The following KAZN variants were observed in gnomAD, a reference collection of about 807,000 sequenced individuals.
KAZN encodes kazrin, periplakin interacting protein.
Under a neutral mutation model 87.4 loss-of-function variants are expected in KAZN, and 40 were observed. The observed-to-expected ratio is 0.46, with a 90% CI of 0.36 to 0.60. The LOEUF (loss-of-function observed/expected upper bound fraction) is 0.60, where lower values mean the gene tolerates loss of function less well. Ranked by LOEUF, KAZN falls within the 20% of genes least tolerant of loss-of-function variation. KAZN has a pLI of 0.00. For missense variants in KAZN, 898 were observed against 1,073.9 expected (o/e 0.84, Z 2.29); for synonymous variants, 466 against 458.3 (o/e 1.02, Z -0.22).
chr1:14,606,397 C>T (rs1677360881), intron 1 of KAZN, among the ~76,000 whole-genome samples: 1 of 152,164 alleles, frequency 6.6e-6, no homozygotes, highest in Admixed American at 6.5e-5. Flanking sequence ...CAACCAGCCT[C>T]TCAGCCATCA....
At chr1:14,548,099 C>T (rs1004744223) in intron 2 of KAZN, among the ~76,000 whole-genome samples, 4 of 150,874 alleles carry the variant, frequency 2.7e-5, no homozygotes, top group South Asian at 2.1e-4. Context: ...AGAAAGTTTA[C>T]GAAATTGTAT....
At chr1:14,376,939 T>C (rs886882913) in intron 2 of KAZN, among the ~76,000 whole-genome samples, 15 of 152,242 alleles carry the variant, frequency 9.9e-5, no homozygotes, top group Non-Finnish European at 8.8e-5. Context: ...TTCTATAATG[T>C]ATTAGTTGCT....
chr1:14,165,972 C>T (rs1028196713), intron 1 of KAZN, among the ~76,000 whole-genome samples: 1 of 152,042 alleles, frequency 6.6e-6, no homozygotes, highest in African/African-American at 2.4e-5. Flanking sequence ...TACAAAGAGC[C>T]GGCAGCAGTA....
chr1:14,980,199 A>G (rs1461603271), intron 2 of KAZN, among the ~76,000 whole-genome samples: 7 of 152,140 alleles, frequency 4.6e-5, no homozygotes, highest in Admixed American at 2.6e-4. Flanking sequence ...ATAAGTACCT[A>G]TTTATTAAAG....
At chr1:14,761,258 A>G (rs958035440) in intron 1 of KAZN, among the ~76,000 whole-genome samples, 1 of 152,152 alleles carries the variant, frequency 6.6e-6, no homozygotes, top group African/African-American at 2.4e-5. Context: ...GCTCCTGCTC[A>G]TCACTCAAGT....
chr1:14,929,087 G>T (rs1042713605), intron 1 of KAZN, among the ~76,000 whole-genome samples: 13 of 152,194 alleles, frequency 8.5e-5, no homozygotes, highest in African/African-American at 3.1e-4. Flanking sequence ...AATGGAAATT[G>T]TATTACCCAC....
intron 4 of KAZN, among the ~76,000 whole-genome samples, chr1:15,048,692 G>A (rs1462757294): frequency 1.4e-5 from 2 of 145,790 alleles, no homozygotes; most frequent in Non-Finnish European, 3.0e-5. Context: ...TTGGTCCTGG[G>A]TCGTTGATCC....
intron 1 of KAZN, among the ~76,000 whole-genome samples, chr1:14,076,278 C>T (rs1643456764): frequency 6.6e-6 from 1 of 150,764 alleles, no homozygotes; most frequent in Admixed American, 6.6e-5. Context: ...GAGACTCCGT[C>T]TAAAAAAAAA....
In KAZN at chr1:14,162,140, C is replaced by T. The variant is rs558159115; in HGVS notation, c.92-18295C>T. ...CCCTTTGAGCTCTTGGTTACACCCT[C>T]TCAGTCACTGTTCCTTTTATATAAA... is the stretch of plus-strand genomic sequence containing the variant. On this transcript the variant is annotated intron_variant, in intron 1 of 16. Transcript: ENST00000636203. Among the ~76,000 whole-genome samples, 2 of 152,344 alleles carry T rather than the reference C, an allele frequency of 1.3e-5. 1 individual carries two copies. Among genetic ancestry groups the T allele is most frequent in the South Asian group, 4.1e-4 (2 of 4,828 alleles).
At position 14,377,113 on chromosome 1, in the gene KAZN, T is replaced by C. The variant is rs1309850944; in HGVS notation, c.249+196521T>C. 3.3e-5 allele frequency among the ~76,000 whole-genome samples: 5 copies of C among 152,122 alleles called. No homozygotes were observed. In the East Asian group the frequency reaches 9.6e-4, roughly 29 times the overall value. ...CTTGTTATTTCCAAGTGAAAGCTAG[T>C]GGGAAACAGAGTACTTTGTTGAAGT... On this transcript the variant is annotated intron_variant, in intron 2 of 16. Coordinates refer to the KAZN transcript ENST00000636203.
chr1:14,634,551 C>T (rs1332855392), intron 1 of KAZN, among the ~76,000 whole-genome samples: 6 of 152,216 alleles, frequency 3.9e-5, no homozygotes, highest in Non-Finnish European at 7.3e-5. Context: ...CATGGAGTAG[C>T]TCAGCTCTTG....
intron 2 of KAZN, among the ~76,000 whole-genome samples, chr1:14,318,518 G>A (rs532579543): frequency 2.6e-5 from 4 of 151,872 alleles, no homozygotes; most frequent in Admixed American, 6.6e-5. Context: ...TTTGATTAGC[G>A]TGCCTTGGTA....
chr1:14,419,947 G>A (rs536433685), intron 2 of KAZN, among the ~76,000 whole-genome samples: 26 of 152,262 alleles, frequency 1.7e-4, no homozygotes, highest in East Asian at 1.4e-3. Flanking sequence ...ACTTCCACAA[G>A]GTGGAAGGGA....
intron 2 of KAZN, among the ~76,000 whole-genome samples, chr1:14,327,092 G>T (rs1004098214): frequency 6.6e-6 from 1 of 152,186 alleles, no homozygotes; most frequent in South Asian, 2.1e-4. Flanking sequence ...CTTATGCAAC[G>T]ACTGGAGGAA....
At chr1:14,636,065 A>G (rs1233242359) in intron 1 of KAZN, among the ~76,000 whole-genome samples, 1 of 152,226 alleles carries the variant, frequency 6.6e-6, no homozygotes, top group African/African-American at 2.4e-5. Flanking sequence ...CAATGAAACA[A>G]TTCCAACTGA....
At chr1:14,471,475 T>C (rs900071492) in intron 2 of KAZN, among the ~76,000 whole-genome samples, 1 of 152,152 alleles carries the variant, frequency 6.6e-6, no homozygotes, top group Non-Finnish European at 1.5e-5. Context: ...CGACTTTGGC[T>C]TTTGCTCTGA....
chr1:15,044,209 T>G, intron 4 of KAZN, 50 bp downstream of exon 4: 1 of 1,263,362 alleles, frequency 7.9e-7, no homozygotes, highest in Non-Finnish European at 1.0e-6. Context: ...AGCAGTGCCG[T>G]GCTGGGAGCC....
chr1:14,387,974 G>T (rs1462698597), intron 2 of KAZN, among the ~76,000 whole-genome samples: 1 of 152,224 alleles, frequency 6.6e-6, no homozygotes, highest in Admixed American at 6.5e-5. Flanking sequence ...AGACTCCGTG[G>T]GCGTAGGACC....
intron 1 of KAZN, among the ~76,000 whole-genome samples, chr1:13,988,116 G>A (rs966824512): frequency 6.6e-6 from 1 of 152,144 alleles, no homozygotes; most frequent in African/African-American, 2.4e-5. Flanking sequence ...CTGGGGATTA[G>A]GTGTCCAAAA....
Sources: allele counts gnomAD v4.1 joint callset (sites outside exome capture counted in the v4.1 genomes callset), GRCh38; gene constraint gnomAD v4.1.1; transcripts MANE v1.5; gene names NCBI Gene and HGNC (gene_info 2026-07-23, HGNC 2026-07-21).